METTL15: variants seen among roughly 807,000 people sequenced by gnomAD.
METTL15 encodes methyltransferase 15, mitochondrial 12S rRNA N4-cytidine.
A neutral mutation model predicts 38.3 loss-of-function variants in METTL15; 34 were observed. The ratio of observed to expected loss-of-function variants is 0.89; its 90% CI spans 0.68 to 1.18. The LOEUF is 1.18. METTL15 is among the 50% of genes most tolerant of loss of function. METTL15 has a pLI of 0.00. For missense variants in METTL15, 438 were observed against 498.4 expected, an observed-to-expected ratio of 0.88 and a Z score of 1.15; for synonymous variants, 162 against 170.9, an observed-to-expected ratio of 0.95 and a Z score of 0.41.
chr11:28,468,721 C>T (rs374736537), intron 6 of METTL15, among the ~76,000 whole-genome samples: 4 of 152,108 alleles, frequency 2.6e-5, no homozygotes, highest in East Asian at 3.9e-4. Context: ...GCAAAGGGAG[C>T]TTCGTGACAG....
At chr11:28,260,539 G>A (rs1329926477) in intron 4 of METTL15, among the ~76,000 whole-genome samples, 3 of 152,082 alleles carry the variant, frequency 2.0e-5, no homozygotes, top group Non-Finnish European at 4.4e-5. Flanking sequence ...TGTTTTCTGG[G>A]ATATGGTAAG....
chr11:28,508,183 AT>A (rs575286197), intron 6 of METTL15, among the ~76,000 whole-genome samples: 4 of 146,182 alleles, frequency 2.7e-5, no homozygotes, highest in South Asian at 4.3e-4. Flanking sequence ...TTCAGTCCTT[AT>A]TTTTTTTTTC....
chr11:28,349,209 G>T lies in METTL15; in HGVS notation c.*190-2881G>T, dbSNP rs568810590. 2.0e-4 allele frequency among the ~76,000 whole-genome samples: 30 copies of T among 152,228 alleles called. 1 individual carries two copies. Among genetic ancestry groups the T allele is most frequent in the African/African-American group, 5.1e-4 (21 of 41,536 alleles). ...TAATTGTCACTCCCTTTCCAATAGT[G>T]AAAAACCTGGTTCTCATTATTCACA... On this transcript the variant is annotated intron_variant and NMD_transcript_variant, in intron 3 of 7. Transcript: ENST00000532947.
rs1590333653 is a variant in METTL15 at position 28,330,718 on chromosome 11, T to C, written c.1101T>C (p.Ser367=). The C allele has an allele frequency of 6.4e-6, 10 of 1,551,554 alleles. No individual in the cohort carries two copies. In the East Asian group the frequency reaches 2.4e-4, roughly 38 times the overall value. Residue 367 remains serine (S), a synonymous_variant, in exon 7 of 7, where the codon TCT becomes TCC. Transcript: ENST00000407364. ...ATCACGAAAACACGGAAGAAGTCTC[T>C]ATGAGAAGAGCTCCTTTAATGTGGG... ...GSDHENTEEV[S]MRRAPLMWEL...
chr11:28,492,605 C>T lies in METTL15; in HGVS notation c.*425-33873C>T, dbSNP rs552948167. Among the ~76,000 whole-genome samples, 445 of 152,146 alleles carry T rather than the reference C, an allele frequency of 2.9e-3. 3 individuals carry two copies. Among genetic ancestry groups the T allele is most frequent in the Non-Finnish European group, 4.7e-3 (321 of 67,988 alleles). Reference sequence around the variant, plus strand: ...CTATTGTCATGAGCAATTCGTGATTCGCCTGCATGTTGATACCTCCTGGAA... The same window carrying T: ...CTATTGTCATGAGCAATTCGTGATTTGCCTGCATGTTGATACCTCCTGGAA... On this transcript the variant is annotated intron_variant and NMD_transcript_variant, in intron 6 of 7. Transcript: ENST00000532947.
chr11:28,449,261 C>A (rs1455855106), intron 6 of METTL15, among the ~76,000 whole-genome samples: 2 of 152,092 alleles, frequency 1.3e-5, no homozygotes, highest in African/African-American at 4.8e-5. Flanking sequence ...AAATTTTTAG[C>A]TATAATGATA....
intron 5 of METTL15, among the ~76,000 whole-genome samples, chr11:28,294,629 T>C (rs1856661336): frequency 6.6e-6 from 1 of 152,116 alleles, no homozygotes; most frequent in African/African-American, 2.4e-5. Context: ...TTTCTAAGTT[T>C]AGTCACTGTA....
At chr11:28,156,869 CAAATA>C (rs1307768086) in intron 3 of METTL15, among the ~76,000 whole-genome samples, 1 of 152,082 alleles carries the variant, frequency 6.6e-6, no homozygotes, top group Admixed American at 6.6e-5. Flanking sequence ...CCTTGAAACA[CAAATA>C]AAGGCACAGA....
chr11:28,227,245 C>G (rs749109417), intron 4 of METTL15, among the ~76,000 whole-genome samples: 72 of 151,708 alleles, frequency 4.7e-4, no homozygotes, highest in Non-Finnish European at 7.2e-4. Context: ...GGATTAAGAC[C>G]TATAGTCTGT....
chr11:28,399,831 T>C (rs896249436), intron 5 of METTL15, among the ~76,000 whole-genome samples: 2 of 151,946 alleles, frequency 1.3e-5, no homozygotes, highest in African/African-American at 4.8e-5. Flanking sequence ...AGGTATTTAG[T>C]CATTCCCAAA....
At chr11:28,251,419 T>C (rs541211455) in intron 4 of METTL15, among the ~76,000 whole-genome samples, 2 of 152,176 alleles carry the variant, frequency 1.3e-5, no homozygotes, top group South Asian at 4.1e-4. Context: ...CCTAAACATT[T>C]CTATCCAGAA....
At chr11:28,424,385 C>T (rs1004800426) in intron 6 of METTL15, 2 of 152,016 alleles carry the variant, frequency 1.3e-5, no homozygotes, top group Admixed American at 1.3e-4. Flanking sequence ...ATTATAGGCC[C>T]CTCTCTCCCA....
intron 3 of METTL15, among the ~76,000 whole-genome samples, chr11:28,168,738 T>C (rs1565138120): frequency 6.6e-6 from 1 of 151,792 alleles, no homozygotes; most frequent in Non-Finnish European, 1.5e-5. Context: ...TTATATAATA[T>C]AGAACATATT....
At chr11:28,520,593 A>G (rs1010253738) in intron 6 of METTL15, among the ~76,000 whole-genome samples, 5 of 152,190 alleles carry the variant, frequency 3.3e-5, no homozygotes, top group Admixed American at 2.6e-4. Context: ...TCTTTTATTC[A>G]TCTATAAATA....
chr11:28,205,878 T>C (rs1283499843), intron 3 of METTL15, among the ~76,000 whole-genome samples: 1 of 150,050 alleles, frequency 6.7e-6, no homozygotes, highest in Non-Finnish European at 1.5e-5. Context: ...CATTTTTTCA[T>C]GTGTTTTTTG....
At chr11:28,299,860 C>T (rs998940094) in intron 6 of METTL15, among the ~76,000 whole-genome samples, 7 of 152,078 alleles carry the variant, frequency 4.6e-5, no homozygotes, top group East Asian at 1.9e-4. Context: ...TAGCATCTGG[C>T]GGTTGCCAGC....
At chr11:28,480,985 G>C (rs1031701743) in intron 6 of METTL15, among the ~76,000 whole-genome samples, 1 of 152,032 alleles carries the variant, frequency 6.6e-6, no homozygotes, top group Non-Finnish European at 1.5e-5. Flanking sequence ...TGATCAAGAA[G>C]GTAATGTTTA....
intron 4 of METTL15, among the ~76,000 whole-genome samples, chr11:28,249,545 C>T (rs1854650478): frequency 6.6e-6 from 1 of 151,706 alleles, no homozygotes. Context: ...TTTCTTGTTG[C>T]CTTGTGTTTT....
At chr11:28,194,192 C>T (rs11030236) in intron 3 of METTL15, among the ~76,000 whole-genome samples, 4 of 125,060 alleles carry the variant, frequency 3.2e-5, no homozygotes, top group Non-Finnish European at 3.3e-5. Flanking sequence ...CTCTCTCTCT[C>T]CTCTCTCTCT....
Sources: allele counts gnomAD v4.1 joint callset (sites outside exome capture counted in the v4.1 genomes callset), GRCh38; gene constraint gnomAD v4.1.1; transcripts MANE v1.5; gene names NCBI Gene and HGNC (gene_info 2026-07-23, HGNC 2026-07-21).